The following ZC3H13 variants were observed in gnomAD, a reference collection of about 807,000 sequenced individuals.
ZC3H13 encodes the protein zinc finger CCCH domain-containing protein 13.
Under a neutral mutation model 204.1 loss-of-function variants are expected in ZC3H13, and 64 were observed. That is an observed-to-expected ratio of 0.31 (90% confidence interval 0.26 to 0.39). ZC3H13 has a LOEUF of 0.39. Ranked by LOEUF, ZC3H13 falls within the 10% of genes least tolerant of loss-of-function variation. The pLI is 1.00. For synonymous variants in ZC3H13, 667 were observed against 693.7 expected (o/e 0.96, Z 0.60); for missense variants, 1,833 against 2,082.7 (o/e 0.88, Z 2.33).
chr13:45,957,281 G>A lies in ZC3H13; in HGVS notation c.4856C>T (p.Ala1619Val), dbSNP rs1427981188. 1 of 1,533,934 alleles carries A rather than the reference G, an allele frequency of 6.5e-7. No homozygotes were observed. Among genetic ancestry groups the A allele is most frequent in the African/African-American group, 1.4e-5 (1 of 72,654 alleles). The change falls in exon 19 of 19, where the codon GCT becomes GTT. Residue 1619 changes from alanine (A) to valine (V), a missense_variant. Physicochemically the swap from Ala to Val is moderately conservative, Grantham distance 64. Coordinates refer to ENST00000679008, the MANE Select transcript of ZC3H13 (RefSeq NM_001330564.2). ...VKNEKGTIKQ[A>V]YTSAPMVDNE... is the part of the protein sequence containing the mutation. ...GTCTACCATTGGAGCACTCGTGTAA[G>A]CTTGTTTTATGGTGCCCTATTTGAA...
chr13:46,051,477 T>C (rs952433658), intron 1 of ZC3H13, among the ~76,000 whole-genome samples: 3 of 152,188 alleles, frequency 2.0e-5, no homozygotes, highest in African/African-American at 7.2e-5. Flanking sequence ...AATCTATAGA[T>C]TGTATTCACA....
intron 5 of ZC3H13, among the ~76,000 whole-genome samples, chr13:46,018,863 TGAAAA>T (rs2042064894): frequency 6.6e-6 from 1 of 152,122 alleles, no homozygotes; most frequent in South Asian, 2.1e-4. Context: ...AAAATTAAAA[TGAAAA>T]GAAAGGATGC....
chr13:45,985,257 C>A, intron 10 of ZC3H13, 40 bp downstream of exon 10: 1 of 1,503,622 alleles, frequency 6.7e-7, no homozygotes, highest in South Asian at 1.3e-5. Flanking sequence ...TTTATACTTT[C>A]TATATAAGAT....
intron 4 of ZC3H13, among the ~76,000 whole-genome samples, chr13:46,037,798 T>G (rs980939292): frequency 1.3e-5 from 2 of 152,238 alleles, no homozygotes; most frequent in Non-Finnish European, 2.9e-5. Flanking sequence ...AAAATACTGA[T>G]AACATTATTT....
intron 1 of ZC3H13, among the ~76,000 whole-genome samples, chr13:46,047,194 C>G (rs1488313496): frequency 6.6e-6 from 1 of 151,770 alleles, no homozygotes; most frequent in Non-Finnish European, 1.5e-5. Flanking sequence ...AGACTAAGAA[C>G]AACATTTGAT....
chr13:45,988,771 A>C lies in ZC3H13; in HGVS notation c.1255+16T>G. On this transcript the variant is annotated intron_variant, in intron 9 of 18. Transcript: ENST00000679008. ...GTTCAATTTTTCAATTAAAAAAATC[A>C]AAGTACAGTACACACCTTCCCTCCT... 1 of 1,577,320 alleles carries C rather than the reference A, an allele frequency of 6.3e-7. No individual in the cohort carries two copies. The highest frequency in any genetic ancestry group is 2.3e-5 in the East Asian group (1 of 44,350).
rs747731619 is a variant in ZC3H13, at chr13:45,969,303, C to T, written c.3241G>A (p.Ala1081Thr). The stretch of plus-strand genomic sequence containing the variant: ...GTCGTGGCGGTGGCAGTATGCTCTG[C>T]TTCTGTCACCTCTGTACGGTCAGGG... ...DVPDRTEVTE[A>T]EHTATATTPG... Residue 1081 changes from alanine to threonine, a missense_variant, in exon 14 of 19, where the codon GCA (alanine) becomes ACA (threonine). By Grantham distance (58) the Ala-to-Thr change is moderately conservative (BLOSUM62 0). This residue lies in a region of ZC3H13 where 1,574 missense variants were observed against 1,757.2 expected (regional missense o/e 0.90). Transcript: ENST00000679008. 1.7e-5 allele frequency: 28 copies of T among 1,613,750 alleles called. No individual in the cohort carries two copies. The highest frequency in any genetic ancestry group is 3.3e-5 in the Admixed American group (2 of 59,984).
chr13:45,964,731 T>A (rs559104196), intron 16 of ZC3H13, among the ~76,000 whole-genome samples: 26 of 152,290 alleles, frequency 1.7e-4, no homozygotes, highest in African/African-American at 5.3e-4. Context: ...CAGACACTAA[T>A]TGGAATGATT....
At chr13:46,038,543 T>A (rs1457210891) in intron 4 of ZC3H13, among the ~76,000 whole-genome samples, 1 of 152,232 alleles carries the variant, frequency 6.6e-6, no homozygotes, top group Admixed American at 6.5e-5. Context: ...GAATTACAGC[T>A]AATTTGCTGA....
At chr13:46,050,529 T>C (rs2044330243) in intron 1 of ZC3H13, among the ~76,000 whole-genome samples, 1 of 152,176 alleles carries the variant, frequency 6.6e-6, no homozygotes, top group Non-Finnish European at 1.5e-5. Context: ...TACTAACTAG[T>C]AGGATAAATC....
intron 7 of ZC3H13, among the ~76,000 whole-genome samples, chr13:46,009,526 G>GAT (rs1566273133): frequency 6.6e-6 from 1 of 152,064 alleles, no homozygotes; most frequent in African/African-American, 2.4e-5. Flanking sequence ...GAAGGAGGGA[G>GAT]ATAAATATGA....
chr13:46,014,301 GT>G (rs1253130298), intron 5 of ZC3H13, among the ~76,000 whole-genome samples: 3 of 151,948 alleles, frequency 2.0e-5, no homozygotes, highest in African/African-American at 7.3e-5. Flanking sequence ...TGTCATCTAG[GT>G]TTTAAGCCCT....
intron 12 of ZC3H13, among the ~76,000 whole-genome samples, chr13:45,972,191 A>G (rs1005502045): frequency 2.5e-4 from 38 of 152,162 alleles, no homozygotes; most frequent in African/African-American, 9.2e-4. Context: ...AAAAAAAAAC[A>G]TGCACATATA....
At chr13:46,048,535 T>G (rs886969725) in intron 1 of ZC3H13, among the ~76,000 whole-genome samples, 8 of 125,008 alleles carry the variant, frequency 6.4e-5, no homozygotes, top group African/African-American at 2.5e-4. Context: ...GAGCCGAGAT[T>G]GCGCCACTGC....
At chr13:46,046,071 C>G (rs567537930) in intron 1 of ZC3H13, among the ~76,000 whole-genome samples, 1 of 152,160 alleles carries the variant, frequency 6.6e-6, no homozygotes, top group African/African-American at 2.4e-5. Flanking sequence ...TTTTCTTTGC[C>G]TGACAGAAGT....
chr13:45,974,611 C>T (rs141624464), intron 12 of ZC3H13, among the ~76,000 whole-genome samples: 265 of 152,306 alleles, frequency 1.7e-3, no homozygotes, highest in African/African-American at 5.9e-3. Context: ...GAAGACACTT[C>T]CTTTTCTCTC....
At chr13:46,003,823 T>C (rs895484174) in intron 7 of ZC3H13, among the ~76,000 whole-genome samples, 6 of 152,130 alleles carry the variant, frequency 3.9e-5, no homozygotes, top group Non-Finnish European at 7.4e-5. Flanking sequence ...GACCTTTACA[T>C]TGCACCAGAT....
At chr13:45,971,028 C>A (rs577272144) in intron 12 of ZC3H13, among the ~76,000 whole-genome samples, 1 of 152,236 alleles carries the variant, frequency 6.6e-6, no homozygotes, top group Admixed American at 6.5e-5. Flanking sequence ...CATAAAATTG[C>A]AGTAAGGAAT....
chr13:45,979,460 T>A (rs1322595067), intron 11 of ZC3H13, among the ~76,000 whole-genome samples: 1 of 152,142 alleles, frequency 6.6e-6, no homozygotes, highest in Non-Finnish European at 1.5e-5. Flanking sequence ...GTAGACAGGA[T>A]ACTCAGATGT....
Sources: gnomAD v4.1 joint callset for allele counts (sites outside exome capture counted in the v4.1 genomes callset) on GRCh38, gnomAD v4.1.1 for gene constraint, gnomAD v4.1.1 regional missense constraint, MANE v1.5 for transcripts, NCBI Gene and HGNC (gene_info 2026-07-23, HGNC 2026-07-21) for gene names.